CCDC85A: variants seen among roughly 807,000 people sequenced by gnomAD.
CCDC85A encodes the protein coiled-coil domain containing 85A, also known as coiled-coil domain-containing protein 85A.
In CCDC85A, 38 loss-of-function variants were observed where a neutral mutation model predicts 50.2. The ratio of observed to expected loss-of-function variants is 0.76; its 90% confidence interval spans 0.58 to 0.99. The LOEUF (loss-of-function observed/expected upper bound fraction) is 0.99, where lower values mean the gene tolerates loss of function less well. Among genes scored for constraint, CCDC85A ranks in the 50% least tolerant of loss-of-function variants. The pLI is 0.00. For synonymous variants in CCDC85A, 366 were observed against 301.4 expected, an observed-to-expected ratio of 1.21 and a Z score of -2.22; for missense variants, 820 against 742.0, an observed-to-expected ratio of 1.11 and a Z score of -1.22.
rs944101501 is a variant in CCDC85A at position 56,327,855 on chromosome 2, T to G, written c.1241-15024T>G. Among the ~76,000 whole-genome samples the G allele has an allele frequency of 3.4e-5, 5 of 146,766 alleles. No homozygotes were observed. In the South Asian group the frequency reaches 8.6e-4, roughly 25 times the overall value. On this transcript the variant is annotated intron_variant, in intron 2 of 5. Transcript: ENST00000407595. ...GCAAAAAAAAAAAAAAAAAAAAAGA[T>G]TTTAAGCATTGCCCGGCTCTCACTT...
At chr2:56,291,654 T>C (rs1321373848) in intron 2 of CCDC85A, among the ~76,000 whole-genome samples, 1 of 152,122 alleles carries the variant, frequency 6.6e-6, no homozygotes, top group Non-Finnish European at 1.5e-5. Flanking sequence ...GCCTGATGTG[T>C]TGGGAACTTT....
intron 2 of CCDC85A, among the ~76,000 whole-genome samples, chr2:56,233,048 G>C (rs1476246829): frequency 6.6e-6 from 1 of 152,138 alleles, no homozygotes; most frequent in African/African-American, 2.4e-5. Context: ...TGTAAGGCCT[G>C]TCTGCGTTAG....
At chr2:56,245,016 A>G (rs1301255012) in intron 2 of CCDC85A, among the ~76,000 whole-genome samples, 1 of 152,028 alleles carries the variant, frequency 6.6e-6, no homozygotes, top group Non-Finnish European at 1.5e-5. Flanking sequence ...TGGAGCTGCA[A>G]GCTGTGCTGC....
chr2:56,289,134 T>C (rs1671585914), intron 2 of CCDC85A, among the ~76,000 whole-genome samples: 1 of 152,190 alleles, frequency 6.6e-6, no homozygotes. Flanking sequence ...CATAAGTCAG[T>C]AGGCAACACA....
intron 2 of CCDC85A, among the ~76,000 whole-genome samples, chr2:56,307,582 A>C (rs1443547557): frequency 6.6e-6 from 1 of 152,158 alleles, no homozygotes; most frequent in East Asian, 1.9e-4. Context: ...TCATTAATTG[A>C]ATGTTTATTT....
chr2:56,356,695 A>G (rs1373865481), intron 3 of CCDC85A, among the ~76,000 whole-genome samples: 2 of 149,520 alleles, frequency 1.3e-5, no homozygotes, highest in African/African-American at 2.5e-5. Flanking sequence ...ACTGCACTTC[A>G]GCCTGGCCGA....
At chr2:56,293,905 C>T (rs1171607693) in intron 2 of CCDC85A, among the ~76,000 whole-genome samples, 2 of 152,120 alleles carry the variant, frequency 1.3e-5, no homozygotes, top group Non-Finnish European at 2.9e-5. Flanking sequence ...GGCAATTCCT[C>T]AAAGATTTGG....
chr2:56,382,113 C>T (rs929158560), intron 5 of CCDC85A, among the ~76,000 whole-genome samples: 3 of 151,820 alleles, frequency 2.0e-5, no homozygotes, highest in African/African-American at 2.4e-5. Flanking sequence ...TTATTGTCAC[C>T]ATTATTAATT....
chr2:56,224,085 T>G (rs2103915939), intron 2 of CCDC85A, among the ~76,000 whole-genome samples: 1 of 152,334 alleles, frequency 6.6e-6, no homozygotes, highest in South Asian at 2.1e-4. Flanking sequence ...CAAAATATCA[T>G]TTGCATTTAA....
At chr2:56,359,918 G>A (rs1047218641) in intron 3 of CCDC85A, among the ~76,000 whole-genome samples, 3 of 152,126 alleles carry the variant, frequency 2.0e-5, no homozygotes, top group South Asian at 4.1e-4. Context: ...AGGTGCTTTC[G>A]GAAGGACAGA....
intron 2 of CCDC85A, among the ~76,000 whole-genome samples, chr2:56,293,476 A>G (rs1393541097): frequency 3.9e-5 from 6 of 152,216 alleles, no homozygotes; most frequent in Non-Finnish European, 8.8e-5. Flanking sequence ...AAATTGACAA[A>G]TGGGATCTAA....
chr2:56,189,890 G>C (rs1478945053), intron 1 of CCDC85A, among the ~76,000 whole-genome samples: 1 of 152,170 alleles, frequency 6.6e-6, no homozygotes, highest in Non-Finnish European at 1.5e-5. Context: ...GAGGCTGCCT[G>C]GGAGGCTGTT....
chr2:56,341,990 T>G (rs1573299964), intron 2 of CCDC85A, among the ~76,000 whole-genome samples: 1 of 60,888 alleles, frequency 1.6e-5, no homozygotes, highest in Non-Finnish European at 2.7e-5. Context: ...TTATTTTCTG[T>G]TTTTTTTTTT....
intron 2 of CCDC85A, among the ~76,000 whole-genome samples, chr2:56,233,245 T>G (rs1558597399): frequency 6.6e-6 from 1 of 151,984 alleles, no homozygotes. Context: ...AAATTGAGAC[T>G]GACAGGGTTA....
intron 2 of CCDC85A, among the ~76,000 whole-genome samples, chr2:56,264,837 G>T (rs1670369188): frequency 6.6e-6 from 1 of 152,078 alleles, no homozygotes; most frequent in South Asian, 2.1e-4. Flanking sequence ...GGCCATCTTT[G>T]CATTTCTCTT....
intron 2 of CCDC85A, among the ~76,000 whole-genome samples, chr2:56,262,431 T>A (rs912880353): frequency 3.9e-5 from 6 of 152,202 alleles, no homozygotes; most frequent in Non-Finnish European, 7.3e-5. Flanking sequence ...CAAATGGACT[T>A]CTGCCCAGAT....
chr2:56,278,846 TA>T (rs1486227028), intron 2 of CCDC85A, among the ~76,000 whole-genome samples: 1 of 152,244 alleles, frequency 6.6e-6, no homozygotes, highest in East Asian at 1.9e-4. Flanking sequence ...GTGCTGGGAT[TA>T]CAGGCATGAG....
chr2:56,227,502 C>T (rs749359271), intron 2 of CCDC85A, among the ~76,000 whole-genome samples: 8 of 152,124 alleles, frequency 5.3e-5, no homozygotes, highest in Non-Finnish European at 1.0e-4. Context: ...GTGTTCCAAG[C>T]GGGAATTGGT....
chr2:56,330,181 C>A (rs1022134079), intron 2 of CCDC85A, among the ~76,000 whole-genome samples: 7 of 151,862 alleles, frequency 4.6e-5, no homozygotes, highest in African/African-American at 1.7e-4. Flanking sequence ...CACATTTTAA[C>A]CCTGAATAGC....
Sources: allele counts gnomAD v4.1 joint callset (sites outside exome capture counted in the v4.1 genomes callset), GRCh38; gene constraint gnomAD v4.1.1; transcripts MANE v1.5; gene names NCBI Gene and HGNC (gene_info 2026-07-23, HGNC 2026-07-21).